The following HCFC2 variants were observed in gnomAD, a reference collection of about 807,000 sequenced individuals.
The protein encoded by HCFC2 is host cell factor 2.
A neutral mutation model predicts 89.2 loss-of-function variants in HCFC2; 18 were observed. The ratio of observed to expected loss-of-function variants is 0.20; its 90% CI spans 0.14 to 0.30. HCFC2 has a LOEUF of 0.30. HCFC2 is among the 10% of genes least tolerant of loss of function. HCFC2 has a pLI of 1.00. For synonymous variants in HCFC2, 308 were observed against 335.7 expected (o/e 0.92, Z 0.90); for missense variants, 578 against 956.1 (o/e 0.60, Z 5.21).
intron 3 of HCFC2, among the ~76,000 whole-genome samples, chr12:104,070,820 T>TC (rs1247300401): frequency 5.1e-4 from 76 of 150,096 alleles, no homozygotes; most frequent in Non-Finnish European, 9.9e-4. Context: ...TTTTTTTTTT[T>TC]TTGAGACGGA....
chr12:104,087,913 T>C (rs34811234), intron 8 of HCFC2, 73 bp from the exon 9 acceptor site: 17,481 of 826,342 alleles, frequency 0.021, 287 homozygotes, highest in Middle Eastern at 0.059. Flanking sequence ...ATATGTAACT[T>C]TAAAAATATT....
Position 104,095,529 on chromosome 12 carries a change from A to G in HCFC2, c.1632A>G (p.Glu544=). 6.2e-7 allele frequency: 1 copy of G among 1,613,582 alleles called. No individual in the cohort carries two copies. The highest frequency in any genetic ancestry group is 8.5e-7 in the Non-Finnish European group (1 of 1,179,616). ...SSTNGAVVKD[E]TSLTTFSTKS... ...CAAATGGGGCAGTTGTTAAAGATGA[A>G]ACTTCACTAACAACATTCAGTACCA... The change falls in exon 11 of 15, where the codon GAA becomes GAG. Residue 544 remains glutamate, a synonymous_variant. Coordinates refer to ENST00000229330, the MANE Select transcript of HCFC2 (RefSeq NM_013320.3). The surrounding 1 kb of genome is among the most constrained non-coding windows in gnomAD (Gnocchi z 4.2).
chr12:104,069,135 A>G (rs1247320294), intron 3 of HCFC2, among the ~76,000 whole-genome samples: 1 of 151,980 alleles, frequency 6.6e-6, no homozygotes, highest in African/African-American at 2.4e-5. Context: ...GCAAAACCCC[A>G]TCTCTACCAA....
chr12:104,080,655 T>G (rs1883657564), intron 4 of HCFC2, 91 bp from the exon 5 acceptor site: 1 of 703,022 alleles, frequency 1.4e-6, no homozygotes, highest in South Asian at 1.9e-5. Flanking sequence ...TTCATTTTGG[T>G]AAGTCCTTGT....
intron 3 of HCFC2, 125 bp from the exon 4 acceptor site, chr12:104,079,320 C>G (rs1342704144): frequency 8.2e-6 from 6 of 732,168 alleles, no homozygotes; most frequent in Non-Finnish European, 1.3e-5. Flanking sequence ...TTCTGCTCTC[C>G]TAATGCCTTT....
Position 104,104,516 on chromosome 12 carries a change from AG to A in HCFC2, c.*1247del, listed in dbSNP as rs1383354636. On this transcript the variant is annotated 3_prime_UTR_variant, in exon 15 of 15. Transcript: ENST00000229330. ...TCAAACTAAGAGCTTCAATAACTGCAGGGGCACAGGTCTATCTTTTTTTATA... is the reference window on the plus strand; with the variant it reads ...TCAAACTAAGAGCTTCAATAACTGCAGGGCACAGGTCTATCTTTTTTTATA... The A allele has an allele frequency of 1.3e-5, 2 of 152,114 alleles. No homozygotes were observed. The highest frequency in any genetic ancestry group is 3.9e-4 in the East Asian group (2 of 5,188). 9.4% of individuals were successfully genotyped at this position (152,114 alleles called of 1,614,324 possible).
Position 104,094,102 on chromosome 12 carries a change from T to C in HCFC2, c.1462+539T>C, listed in dbSNP as rs78426769. On this transcript the variant is annotated intron_variant, in intron 10 of 14. Coordinates refer to ENST00000229330, the MANE Select transcript of HCFC2 (RefSeq NM_013320.3). ...ATACTCTTCACCAAAATAGGAAATATAGGAGCAAGAACAGATTTTGGAAAA... is the reference window on the plus strand; with the variant it reads ...ATACTCTTCACCAAAATAGGAAATACAGGAGCAAGAACAGATTTTGGAAAA... Among the ~76,000 whole-genome samples, 688 of 152,260 alleles carry C rather than the reference T, an allele frequency of 4.5e-3. 7 individuals are homozygous for C. Among genetic ancestry groups the C allele is most frequent in the African/African-American group, 0.016 (661 of 41,550 alleles).
intron 8 of HCFC2, 65 bp from the exon 9 acceptor site, chr12:104,087,921 A>C: frequency 2.3e-6 from 2 of 874,082 alleles, no homozygotes; most frequent in Non-Finnish European, 3.4e-6. Flanking sequence ...CTTTAAAAAT[A>C]TTTAATTATA....
rs775347952 is a variant in HCFC2, at chr12:104,068,152, G to A, written c.473+45G>A. The A allele has an allele frequency of 1.4e-5, 21 of 1,459,332 alleles. No individual in the cohort carries two copies. Among genetic ancestry groups the A allele is most frequent in the Non-Finnish European group, 1.9e-5 (21 of 1,092,670 alleles). 90.4% of individuals were successfully genotyped at this position (1,459,332 alleles called of 1,614,324 possible). On this transcript the variant is annotated intron_variant, in intron 3 of 14. Coordinates refer to ENST00000229330, the MANE Select transcript of HCFC2 (RefSeq NM_013320.3). The surrounding 1 kb of genome is among the most constrained non-coding windows in gnomAD (Gnocchi z 4.1). ...CCAAATGCTTATTTTATGATTTAGA[G>A]TAGGAACATTTTATTTTTTCCATCT... is the stretch of plus-strand genomic sequence containing the variant.
chr12:104,068,225 C>T lies in HCFC2; in HGVS notation c.473+118C>T, dbSNP rs1266156683. On this transcript the variant is annotated intron_variant, in intron 3 of 14. Transcript: ENST00000229330. The surrounding 1 kb of genome is among the most constrained non-coding windows in gnomAD (Gnocchi z 4.1). ...CTTAGCTTTTTGCATTTCAACCTAA[C>T]AGTGGACAGATTTGTGTGTGTTTGT... is the stretch of plus-strand genomic sequence containing the variant. 1.3e-5 allele frequency: 10 copies of T among 795,968 alleles called. No homozygotes were observed. Among genetic ancestry groups the T allele is most frequent in the Non-Finnish European group, 1.9e-5 (10 of 535,308 alleles). 49.3% of individuals were successfully genotyped at this position (795,968 alleles called of 1,614,324 possible). A position where few individuals can be genotyped will look rare whatever the true frequency, so the allele number is the denominator to read the frequency against.
chr12:104,087,470 T>TATATATATATGTATATAC (rs1465669746), intron 8 of HCFC2, among the ~76,000 whole-genome samples: 1 of 7,338 alleles, frequency 1.4e-4, no homozygotes, highest in Non-Finnish European at 3.6e-4. Flanking sequence ...TATATACATA[T>TATATATATATGTATATAC]ATATATATAT....
intron 3 of HCFC2, among the ~76,000 whole-genome samples, chr12:104,070,472 T>C (rs1340995559): frequency 6.6e-6 from 1 of 152,220 alleles, no homozygotes; most frequent in Non-Finnish European, 1.5e-5. Flanking sequence ...TCAGGTCTTA[T>C]CATGTGTGTC....
At position 104,095,289 on chromosome 12, in the gene HCFC2, A is replaced by G; in HGVS notation, c.1463-71A>G. ...AACTGAAAGTACCAAGAATCATATG[A>G]CAAGAACGATAAGACACAACAATTA... On this transcript the variant is annotated intron_variant, in intron 10 of 14. Coordinates refer to ENST00000229330, the MANE Select transcript of HCFC2 (RefSeq NM_013320.3). This position sits in a 1 kb window ranked among gnomAD's most constrained non-coding sequence, Gnocchi z 4.2. 8.4e-7 allele frequency: 1 copy of G among 1,185,916 alleles called. No individual in the cohort carries two copies. The highest frequency in any genetic ancestry group is 1.2e-6 in the Non-Finnish European group (1 of 814,160). 73.5% of individuals were successfully genotyped at this position (1,185,916 alleles called of 1,614,324 possible). A position where few individuals can be genotyped will look rare whatever the true frequency, so the allele number is the denominator to read the frequency against.
At chr12:104,081,479 C>A (rs1883680688) in intron 5 of HCFC2, among the ~76,000 whole-genome samples, 1 of 151,928 alleles carries the variant, frequency 6.6e-6, no homozygotes, top group Non-Finnish European at 1.5e-5. Context: ...CTTATTTGTG[C>A]AACATTGTGC....
Position 104,105,573 on chromosome 12 carries a change from G to C in HCFC2, c.*2300G>C, listed in dbSNP as rs2030063111. 6.8e-6 allele frequency: 1 copy of C among 146,812 alleles called. No individual in the cohort carries two copies. The highest frequency in any genetic ancestry group is 2.2e-4 in the South Asian group (1 of 4,508). 9.1% of individuals were successfully genotyped at this position (146,812 alleles called of 1,614,324 possible). ...TGTTTTTGCCCTGAGACTTAGCCCA[G>C]ATTCTATTTTTTTTTTTTTTTTGGC... On this transcript the variant is annotated 3_prime_UTR_variant, in exon 15 of 15. Coordinates refer to ENST00000229330, the MANE Select transcript of HCFC2 (RefSeq NM_013320.3).
In HCFC2 at chr12:104,082,486, T is replaced by C. The variant is rs2253274; in HGVS notation, c.768-14T>C. The C allele has an allele frequency of 0.45, 667,873 of 1,489,910 alleles. 158,329 individuals are homozygous for C. The highest frequency in any genetic ancestry group is 0.49 in the Non-Finnish European group (525,193 of 1,069,338). 92.3% of individuals were successfully genotyped at this position (1,489,910 alleles called of 1,614,324 possible). ...AAATAAGCTACTTTATGTTTTTGTT[T>C]TGTTGTTGCTCAGGATGTACATTTT... is the stretch of plus-strand genomic sequence containing the variant. On this transcript the variant is annotated splice_polypyrimidine_tract_variant and intron_variant, in intron 5 of 14. Transcript: ENST00000229330.
At chr12:104,096,974 G>GCCCA (rs1884196361) in intron 12 of HCFC2, among the ~76,000 whole-genome samples, 1 of 152,096 alleles carries the variant, frequency 6.6e-6, no homozygotes, top group South Asian at 2.1e-4. Context: ...ATGTAGGGTA[G>GCCCA]CCCAATAATC....
chr12:104,077,213 G>C (rs990785876), intron 3 of HCFC2, among the ~76,000 whole-genome samples: 3 of 150,572 alleles, frequency 2.0e-5, no homozygotes, highest in Non-Finnish European at 4.4e-5. Context: ...GGGCTTTTTT[G>C]TTTTTTGTTT....
chr12:104,067,892 A>G (rs1883198691), intron 2 of HCFC2, 55 bp from the exon 3 acceptor site: 2 of 1,505,180 alleles, frequency 1.3e-6, no homozygotes, highest in Admixed American at 2.3e-5. Flanking sequence ...TATTGACAAT[A>G]TAGGAGTGCT....
Sources: gnomAD v4.1 joint callset for allele counts (sites outside exome capture counted in the v4.1 genomes callset) on GRCh38, gnomAD v4.1.1 for gene constraint, Gnocchi (gnomAD v3.1) non-coding constraint, MANE v1.5 for transcripts, NCBI Gene and HGNC (gene_info 2026-07-23, HGNC 2026-07-21) for gene names.